The following DHRS7 variants were observed in gnomAD, a reference collection of about 807,000 sequenced individuals.
The protein encoded by DHRS7 is dehydrogenase/reductase SDR family member 7.
In DHRS7, 34 loss-of-function variants were observed where a neutral mutation model predicts 38.9. The observed-to-expected ratio is 0.87, with a 90% confidence interval of 0.66 to 1.16. The LOEUF is 1.16. DHRS7 is among the 50% of genes most tolerant of loss of function. The probability of loss-of-function intolerance (pLI) is 0.00; values close to 1 mark genes in which losing one functional copy is unlikely to be tolerated. For missense variants in DHRS7, 421 were observed against 407.0 expected (o/e 1.03, Z -0.30); for synonymous variants, 158 against 153.1 (o/e 1.03, Z -0.24).
Position 60,162,481 on chromosome 14 carries a change from A to C in DHRS7, c.133+2696T>G, listed in dbSNP as rs570837716. ...AGGAAATGGTGGCTGCCTCGAGAGA[A>C]GCACACTAGGTAGCTAGGGCACAAG... On this transcript the variant is annotated intron_variant, in intron 1 of 6. Coordinates refer to ENST00000557185, the MANE Select transcript of DHRS7 (RefSeq NM_016029.4). The surrounding 1 kb of genome is among the most constrained non-coding windows in gnomAD (Gnocchi z 4.5). Among the ~76,000 whole-genome samples, 3 of 152,212 alleles carry C rather than the reference A, an allele frequency of 2.0e-5. No homozygotes were observed. The highest frequency in any genetic ancestry group is 2.0e-4 in the Admixed American group (3 of 15,284).
In DHRS7 at chr14:60,145,883, AT is replaced by A. The variant is rs1481082223; in HGVS notation, c.973-871del. On this transcript the variant is annotated intron_variant, in intron 6 of 6. Coordinates refer to ENST00000557185, the MANE Select transcript of DHRS7 (RefSeq NM_016029.4). This position sits in a 1 kb window ranked among gnomAD's most constrained non-coding sequence, Gnocchi z 4.0. ...TAGCCACTGTTCTTGATCCCTAAAA[AT>A]AATAAAGATTCATAAAAACAAAGTT... The A allele has an allele frequency of 2.0e-5, 3 of 151,956 alleles. No individual in the cohort carries two copies. Among genetic ancestry groups the A allele is most frequent in the Admixed American group, 1.3e-4 (2 of 15,252 alleles). 9.4% of individuals were successfully genotyped at this position (151,956 alleles called of 1,614,324 possible). A position where few individuals can be genotyped will look rare whatever the true frequency, so the allele number is the denominator to read the frequency against.
At chr14:60,165,542 GC>G (rs1296251545), upstream of DHRS7, 19 of 1,270,076 alleles carry the variant, frequency 1.5e-5, no homozygotes, top group Non-Finnish European at 1.8e-5. This position sits in a 1 kb window ranked among gnomAD's most constrained non-coding sequence, Gnocchi z 4.6. Flanking sequence ...ACCCGGCGGG[GC>G]CGGCAGATTG....
chr14:60,152,512 A>G (rs1896566204), intron 4 of DHRS7, among the ~76,000 whole-genome samples: 1 of 152,220 alleles, frequency 6.6e-6, no homozygotes, highest in Non-Finnish European at 1.5e-5. Flanking sequence ...GGCAAGGAAA[A>G]GAAGTCACAG....
chr14:60,153,703 A>G lies in DHRS7; in HGVS notation c.393+256T>C, dbSNP rs1199174856. ...AGAGCAAGACTTTGTCTCAAAATAC[A>G]TAAATAAATAAATAAAAGCAGCCGT... On this transcript the variant is annotated intron_variant, in intron 3 of 6. Transcript: ENST00000557185. The surrounding 1 kb of genome is among the most constrained non-coding windows in gnomAD (Gnocchi z 4.4). 1.2e-5 allele frequency among the ~76,000 whole-genome samples: 1 copy of G among 84,792 alleles called. No homozygotes were observed. The highest frequency in any genetic ancestry group is 1.0e-4 in the African/African-American group (1 of 9,650). 55.6% of individuals were successfully genotyped at this position (84,792 alleles called of 152,430 possible). A position where few individuals can be genotyped will look rare whatever the true frequency, so the allele number is the denominator to read the frequency against.
intron 1 of DHRS7, among the ~76,000 whole-genome samples, chr14:60,157,001 T>G (rs1382181143): frequency 4.6e-5 from 7 of 152,352 alleles, no homozygotes; most frequent in African/African-American, 1.7e-4. Context: ...GTAAAGTCAC[T>G]GTTATGCAAA....
intron 1 of DHRS7, among the ~76,000 whole-genome samples, chr14:60,159,515 G>C (rs1187480087): frequency 1.3e-5 from 2 of 152,214 alleles, no homozygotes; most frequent in Non-Finnish European, 2.9e-5. Flanking sequence ...GTTAGTCTAT[G>C]AGAATGTGCA....
intron 1 of DHRS7, among the ~76,000 whole-genome samples, chr14:60,164,567 A>G (rs1470582638): frequency 6.6e-6 from 1 of 152,246 alleles, no homozygotes; most frequent in Non-Finnish European, 1.5e-5. Flanking sequence ...TAAGCAAGAC[A>G]CAGATAAAGT....
chr14:60,155,089 C>T (rs938044573), intron 2 of DHRS7, among the ~76,000 whole-genome samples: 2 of 152,108 alleles, frequency 1.3e-5, no homozygotes, highest in Non-Finnish European at 2.9e-5. Context: ...AAAATTATCT[C>T]AGTTTAGGTA....
At chr14:60,160,810 C>T (rs1896751037) in intron 1 of DHRS7, among the ~76,000 whole-genome samples, 1 of 152,086 alleles carries the variant, frequency 6.6e-6, no homozygotes, top group African/African-American at 2.4e-5. Context: ...AGGCTGGTCT[C>T]GAACTTGTGA....
Position 60,162,767 on chromosome 14 carries a change from CT to C in DHRS7, c.133+2409del, listed in dbSNP as rs900284524. On this transcript the variant is annotated intron_variant, in intron 1 of 6. Coordinates refer to ENST00000557185, the MANE Select transcript of DHRS7 (RefSeq NM_016029.4). The surrounding 1 kb of genome is among the most constrained non-coding windows in gnomAD (Gnocchi z 4.5). ...TACCTCCACCAGGAGTCTTTTTAGACTTTTTTTTCCCCTAAAACTCTCCTGT... is the reference window on the plus strand; with the variant it reads ...TACCTCCACCAGGAGTCTTTTTAGACTTTTTTTCCCCTAAAACTCTCCTGT... 2.0e-4 allele frequency among the ~76,000 whole-genome samples: 30 copies of C among 151,878 alleles called. No homozygotes were observed. Among genetic ancestry groups the C allele is most frequent in the East Asian group, 5.8e-4 (3 of 5,182 alleles).
chr14:60,166,330 G>A (rs1896866739), upstream of DHRS7: 38 of 952,458 alleles, frequency 4.0e-5, no homozygotes, highest in East Asian at 1.2e-4. Flanking sequence ...GTATGAGAAC[G>A]ACCTGTGGCC....
intron 1 of DHRS7, among the ~76,000 whole-genome samples, 166 bp from the exon 2 acceptor site, chr14:60,156,318 TAA>T (rs199902248): frequency 3.1e-4 from 42 of 136,076 alleles, no homozygotes; most frequent in East Asian, 6.3e-4. Flanking sequence ...CCTTCTTAAC[TAA>T]AAAAAAAAAA....
Position 60,153,941 on chromosome 14 carries a change from A to G in DHRS7, c.393+18T>C, listed in dbSNP as rs372083507. Reference sequence around the variant, plus strand: ...GTTACTTCAAAGCAAGACTATATCAATATAAGATGCTACTTACTCTACCAA... The same window carrying G: ...GTTACTTCAAAGCAAGACTATATCAGTATAAGATGCTACTTACTCTACCAA... On this transcript the variant is annotated intron_variant, in intron 3 of 6. Coordinates refer to ENST00000557185, the MANE Select transcript of DHRS7 (RefSeq NM_016029.4). The surrounding 1 kb of genome is among the most constrained non-coding windows in gnomAD (Gnocchi z 4.4). 8.7e-6 allele frequency: 14 copies of G among 1,602,190 alleles called. No homozygotes were observed. The highest frequency in any genetic ancestry group is 1.1e-5 in the South Asian group (1 of 90,838).
At chr14:60,147,570 C>G (rs1178963164) in intron 6 of DHRS7, 1 of 152,146 alleles carries the variant, frequency 6.6e-6, no homozygotes, top group Non-Finnish European at 1.5e-5. Context: ...ATATCTAACT[C>G]AAGCTGAGAA....
chr14:60,166,386 C>T (rs1018535788), upstream of DHRS7: 1 of 410,720 alleles, frequency 2.4e-6, no homozygotes, highest in African/African-American at 2.2e-5. Flanking sequence ...CTTTCATCCT[C>T]TTCATTTCCT....
chr14:60,164,718 G>T (rs1896831122), intron 1 of DHRS7, among the ~76,000 whole-genome samples: 1 of 152,222 alleles, frequency 6.6e-6, no homozygotes, highest in Non-Finnish European at 1.5e-5. Context: ...GGAGTGGGAA[G>T]TGGAGGACAG....
upstream of DHRS7, chr14:60,165,526 C>T (rs866091525): frequency 6.3e-6 from 8 of 1,279,576 alleles, no homozygotes; most frequent in South Asian, 2.6e-5. The surrounding 1 kb of genome is among the most constrained non-coding windows in gnomAD (Gnocchi z 4.6). Flanking sequence ...CGCCCTCATG[C>T]GGCACACCCG....
intron 1 of DHRS7, among the ~76,000 whole-genome samples, chr14:60,164,829 T>C (rs1239955929): frequency 6.6e-6 from 1 of 152,202 alleles, no homozygotes; most frequent in Non-Finnish European, 1.5e-5. Flanking sequence ...TATCGTCCTC[T>C]GAGACAACAC....
intron 1 of DHRS7, among the ~76,000 whole-genome samples, chr14:60,164,467 G>A (rs1462548366): frequency 6.6e-6 from 1 of 152,098 alleles, no homozygotes; most frequent in East Asian, 1.9e-4. Context: ...GATTAATAAT[G>A]CCTACCTTGT....
Sources: allele counts gnomAD v4.1 joint callset (sites outside exome capture counted in the v4.1 genomes callset), GRCh38; gene constraint gnomAD v4.1.1; non-coding constraint Gnocchi (gnomAD v3.1); transcripts MANE v1.5; gene names NCBI Gene and HGNC (gene_info 2026-07-23, HGNC 2026-07-21).